The following FRMD4A variants were observed in gnomAD, a reference collection of about 807,000 sequenced individuals.
The protein encoded by FRMD4A is FERM domain-containing protein 4A.
Under a neutral mutation model 129.1 loss-of-function variants are expected in FRMD4A, and 29 were observed. The observed-to-expected ratio is 0.22, with a 90% CI of 0.17 to 0.31. The LOEUF (loss-of-function observed/expected upper bound fraction) is 0.31. Ranked by LOEUF, FRMD4A falls within the 10% of genes least tolerant of loss-of-function variation. The pLI is 1.00. For synonymous variants in FRMD4A, 634 were observed against 571.6 expected, an observed-to-expected ratio of 1.11 and a Z score of -1.56; for missense variants, 1,272 against 1,375.8, an observed-to-expected ratio of 0.92 and a Z score of 1.19.
At chr10:13,983,322 G>A (rs745520939) in intron 2 of FRMD4A, among the ~76,000 whole-genome samples, 29 of 151,956 alleles carry the variant, frequency 1.9e-4, no homozygotes, top group Non-Finnish European at 3.2e-4. Context: ...CGAGGCAACC[G>A]TGAAATTGAC....
chr10:13,663,677 G>C (rs6602673), intron 18 of FRMD4A, among the ~76,000 whole-genome samples, 168 bp from the exon 19 acceptor site: 14 of 152,126 alleles, frequency 9.2e-5, no homozygotes, highest in Non-Finnish European at 1.8e-4. Context: ...GTCAGTCCCC[G>C]TGGTGGGTCA....
At chr10:13,955,010 A>G (rs1416943456) in intron 2 of FRMD4A, among the ~76,000 whole-genome samples, 1 of 152,052 alleles carries the variant, frequency 6.6e-6, no homozygotes, top group Non-Finnish European at 1.5e-5. Context: ...TCTTAGGGCC[A>G]GTTTTTCAAA....
chr10:13,820,101 G>A (rs189472553), intron 3 of FRMD4A, among the ~76,000 whole-genome samples: 2 of 152,278 alleles, frequency 1.3e-5, no homozygotes, highest in East Asian at 3.9e-4. Flanking sequence ...AGACACAGGC[G>A]AGGAACCCCA....
chr10:13,719,476 G>A (rs1227086911), intron 12 of FRMD4A, among the ~76,000 whole-genome samples: 1 of 152,006 alleles, frequency 6.6e-6, no homozygotes, highest in Non-Finnish European at 1.5e-5. Context: ...GTAGGACCCC[G>A]ACTGTAACAC....
chr10:13,951,239 G>A (rs1588502332), intron 2 of FRMD4A, among the ~76,000 whole-genome samples: 1 of 152,150 alleles, frequency 6.6e-6, no homozygotes, highest in East Asian at 1.9e-4. Flanking sequence ...CAGAGGTCAA[G>A]GTTATGAGGG....
intron 12 of FRMD4A, among the ~76,000 whole-genome samples, chr10:13,720,581 T>C (rs1027359183): frequency 6.6e-6 from 1 of 151,904 alleles, no homozygotes; most frequent in Non-Finnish European, 1.5e-5. Flanking sequence ...GGCAAATAAA[T>C]AAGAAATAAA....
At chr10:13,902,544 A>G (rs2094833383) in intron 2 of FRMD4A, among the ~76,000 whole-genome samples, 1 of 151,736 alleles carries the variant, frequency 6.6e-6, no homozygotes, top group African/African-American at 2.4e-5. Flanking sequence ...AAGACCAGTC[A>G]AAATAGATTC....
At chr10:13,808,164 G>T (rs925602557) in intron 4 of FRMD4A, among the ~76,000 whole-genome samples, 1 of 152,132 alleles carries the variant, frequency 6.6e-6, no homozygotes, top group African/African-American at 2.4e-5. Flanking sequence ...CACTTGTACG[G>T]CACTTCACAG....
chr10:13,844,805 T>C (rs2094019187), intron 3 of FRMD4A, among the ~76,000 whole-genome samples: 1 of 152,220 alleles, frequency 6.6e-6, no homozygotes, highest in Non-Finnish European at 1.5e-5. Flanking sequence ...GACGAGAATA[T>C]GCTGGAATGC....
intron 6 of FRMD4A, among the ~76,000 whole-genome samples, chr10:13,767,684 G>A (rs1330039464): frequency 6.6e-6 from 1 of 152,204 alleles, no homozygotes; most frequent in Non-Finnish European, 1.5e-5. Context: ...GATCATAGGA[G>A]GAGGAGCAGA....
chr10:14,239,378 A>G (rs910210280), intron 2 of FRMD4A, among the ~76,000 whole-genome samples: 1 of 152,226 alleles, frequency 6.6e-6, no homozygotes, highest in Non-Finnish European at 1.5e-5. Flanking sequence ...CTGTAATCCC[A>G]GCACTTTGGG....
chr10:14,286,360 C>A, intron 2 of FRMD4A, among the ~76,000 whole-genome samples: 1 of 152,168 alleles, frequency 6.6e-6, no homozygotes, highest in Non-Finnish European at 1.5e-5. Context: ...TCCCGTGTCC[C>A]TCAGCAATAT....
At chr10:14,295,066 C>T (rs1002504278) in intron 2 of FRMD4A, among the ~76,000 whole-genome samples, 5 of 152,064 alleles carry the variant, frequency 3.3e-5, no homozygotes, top group Non-Finnish European at 5.9e-5. Flanking sequence ...GCAGTAATTC[C>T]AAAGGATGTC....
In FRMD4A at chr10:13,669,057, G is replaced by GTTTT. The variant is rs56706198; in HGVS notation, c.1374+1345_1374+1348dup. On this transcript the variant is annotated intron_variant, in intron 17 of 24. Transcript: ENST00000357447. ...CCAGGAACTGCCTAACTGAGCTTTA[G>GTTTT]TTTTTTTTTTTTTTTTTTTTTTTTT... is the stretch of plus-strand genomic sequence containing the variant. Among the ~76,000 whole-genome samples, 365 of 97,434 alleles carry GTTTT rather than the reference G, an allele frequency of 3.7e-3. 21 individuals are homozygous for GTTTT. The highest frequency in any genetic ancestry group is 6.0e-3 in the Non-Finnish European group (301 of 50,232). The allele number at this position is 97,434 out of a possible 152,430, so 63.9% of individuals were successfully genotyped here.
chr10:13,895,725 A>C (rs2094750052), intron 2 of FRMD4A, among the ~76,000 whole-genome samples: 1 of 152,268 alleles, frequency 6.6e-6, no homozygotes, highest in African/African-American at 2.4e-5. Flanking sequence ...ATCAGAGTGA[A>C]CAGACAACCT....
chr10:13,777,364 T>A (rs2092620691), intron 6 of FRMD4A, among the ~76,000 whole-genome samples: 1 of 85,978 alleles, frequency 1.2e-5, no homozygotes, highest in Non-Finnish European at 2.5e-5. Flanking sequence ...TGGCAATTTG[T>A]ACAAATGAAA....
At chr10:13,816,775 G>A (rs1166677277) in intron 3 of FRMD4A, among the ~76,000 whole-genome samples, 1 of 152,198 alleles carries the variant, frequency 6.6e-6, no homozygotes, top group Non-Finnish European at 1.5e-5. Flanking sequence ...GCTTTGCAGG[G>A]ATCGGACTGG....
intron 2 of FRMD4A, among the ~76,000 whole-genome samples, chr10:14,076,556 C>T (rs1051257846): frequency 1.3e-5 from 2 of 151,916 alleles, no homozygotes; most frequent in Non-Finnish European, 2.9e-5. Context: ...AGGAGAACCG[C>T]GTGAACCCGG....
chr10:13,774,418 G>C (rs887770952), intron 6 of FRMD4A, among the ~76,000 whole-genome samples: 1 of 152,046 alleles, frequency 6.6e-6, no homozygotes, highest in East Asian at 1.9e-4. Flanking sequence ...AGAGATGAGA[G>C]GTTCGTTCTC....
Sources: gnomAD v4.1 joint callset for allele counts (sites outside exome capture counted in the v4.1 genomes callset) on GRCh38, gnomAD v4.1.1 for gene constraint, MANE v1.5 for transcripts, NCBI Gene and HGNC (gene_info 2026-07-23, HGNC 2026-07-21) for gene names.